The following CNGB3 variants were observed in gnomAD, a reference collection of about 807,000 sequenced individuals.
The protein encoded by CNGB3 is cyclic nucleotide gated channel subunit beta 3.
A neutral mutation model predicts 92.8 loss-of-function variants in CNGB3; 86 were observed. That is an observed-to-expected ratio of 0.93 (90% CI 0.78 to 1.11). The LOEUF is 1.11. Ranked by LOEUF, CNGB3 falls within the 50% of genes least tolerant of loss-of-function variation. The probability of loss-of-function intolerance (pLI) is 0.00; values close to 1 mark genes in which losing one functional copy is unlikely to be tolerated. For missense variants in CNGB3, 1,026 were observed against 956.8 expected (o/e 1.07, Z -0.95); for synonymous variants, 333 against 332.7 (o/e 1.00, Z -0.01).
chr8:86,598,055 C>A (rs1321165294), intron 15 of CNGB3, among the ~76,000 whole-genome samples: 4 of 152,076 alleles, frequency 2.6e-5, no homozygotes, highest in African/African-American at 9.7e-5. Context: ...CAGGTGCAAC[C>A]TGAAGTAGAG....
chr8:86,658,523 G>C (rs1255856708), intron 6 of CNGB3: 1 of 369,296 alleles, frequency 2.7e-6, no homozygotes, highest in Non-Finnish European at 5.2e-6. Flanking sequence ...CTATGAGCTG[G>C]GTCTGCAGCA....
At chr8:86,703,481 CT>C (rs1272124722) in intron 3 of CNGB3, among the ~76,000 whole-genome samples, 1 of 152,066 alleles carries the variant, frequency 6.6e-6, no homozygotes, top group Non-Finnish European at 1.5e-5. Context: ...TTCCTTTGAT[CT>C]TTTTTCAGCT....
chr8:86,646,184 C>T (rs1454009470), intron 8 of CNGB3, among the ~76,000 whole-genome samples: 1 of 151,034 alleles, frequency 6.6e-6, no homozygotes, highest in African/African-American at 2.4e-5. Flanking sequence ...CTGAAATTTC[C>T]ATGTGAGACT....
chr8:86,743,225 C>T (rs935765982), intron 1 of CNGB3, among the ~76,000 whole-genome samples: 1 of 152,138 alleles, frequency 6.6e-6, no homozygotes, highest in Non-Finnish European at 1.5e-5. Flanking sequence ...GAAATGGTTT[C>T]ATTTTGGATG....
At chr8:86,596,229 A>T (rs550469584) in intron 15 of CNGB3, among the ~76,000 whole-genome samples, 34 of 152,326 alleles carry the variant, frequency 2.2e-4, no homozygotes, top group Admixed American at 2.2e-3. Flanking sequence ...GGCAATGGGG[A>T]TAATAAAGTA....
chr8:86,600,605 T>C (rs1822274140), intron 15 of CNGB3, among the ~76,000 whole-genome samples: 1 of 144,690 alleles, frequency 6.9e-6, no homozygotes, highest in African/African-American at 2.7e-5. Flanking sequence ...TCTAGTTCCT[T>C]TTTTTTTTCT....
At chr8:86,615,184 T>C (rs57705284) in intron 13 of CNGB3, among the ~76,000 whole-genome samples, 1 of 152,050 alleles carries the variant, frequency 6.6e-6, no homozygotes, top group African/African-American at 2.4e-5. Flanking sequence ...ACCAATCCCC[T>C]GTGGATACCA....
At chr8:86,670,895 T>A in intron 4 of CNGB3, 49 bp downstream of exon 4, 2 of 1,599,606 alleles carry the variant, frequency 1.3e-6, no homozygotes, top group Non-Finnish European at 1.7e-6. Context: ...AAAACACAGG[T>A]CCCCTCAGCA....
At chr8:86,723,914 T>C (rs1472787468) in intron 3 of CNGB3, among the ~76,000 whole-genome samples, 1 of 152,118 alleles carries the variant, frequency 6.6e-6, no homozygotes, top group African/African-American at 2.4e-5. Flanking sequence ...TTATCCTAAG[T>C]GAACTAACAC....
intron 6 of CNGB3, among the ~76,000 whole-genome samples, chr8:86,663,998 C>T (rs1010247509): frequency 6.6e-6 from 1 of 152,168 alleles, no homozygotes; most frequent in African/African-American, 2.4e-5. Context: ...TTTTCTCCCC[C>T]CTTGTGAGTC....
rs763151392 is a variant in CNGB3, at chr8:86,647,800, C to G, written c.990+1G>C. On this transcript the variant is annotated splice_donor_variant, in intron 8 of 17. Coordinates refer to ENST00000320005, the MANE Select transcript of CNGB3 (RefSeq NM_019098.5). LOFTEE classifies it high-confidence loss of function. ...AAGACAATTAAATATAGTTATCTTA[C>G]CTTTAACATCCTATTTGCTCTAAAC... 2 of 1,425,544 alleles carry G rather than the reference C, an allele frequency of 1.4e-6. No homozygotes were observed. Among genetic ancestry groups the G allele is most frequent in the Non-Finnish European group, 2.0e-6 (2 of 1,009,572 alleles). 88.3% of individuals were successfully genotyped at this position (1,425,544 alleles called of 1,614,324 possible).
At chr8:86,672,500 C>T (rs1057391630) in intron 3 of CNGB3, among the ~76,000 whole-genome samples, 3 of 152,160 alleles carry the variant, frequency 2.0e-5, no homozygotes, top group Non-Finnish European at 4.4e-5. Context: ...ACAGATTTCC[C>T]TCAGAGCTCT....
chr8:86,630,062 G>A (rs1274445204), intron 11 of CNGB3, among the ~76,000 whole-genome samples: 2 of 152,094 alleles, frequency 1.3e-5, no homozygotes, highest in African/African-American at 2.4e-5. Flanking sequence ...TAATTGTGAT[G>A]CCCTCCTCAG....
At chr8:86,601,022 T>C (rs1307569835) in intron 15 of CNGB3, among the ~76,000 whole-genome samples, 1 of 151,970 alleles carries the variant, frequency 6.6e-6, no homozygotes, top group Non-Finnish European at 1.5e-5. Context: ...AATAAATGCA[T>C]GAATGAAATG....
At chr8:86,653,477 T>A (rs1563741793) in intron 7 of CNGB3, among the ~76,000 whole-genome samples, 1 of 152,066 alleles carries the variant, frequency 6.6e-6, no homozygotes, top group Non-Finnish European at 1.5e-5. Context: ...TCACTCCAAT[T>A]GGGTAAACCT....
At chr8:86,715,955 C>T (rs909802285) in intron 3 of CNGB3, among the ~76,000 whole-genome samples, 1 of 150,972 alleles carries the variant, frequency 6.6e-6, no homozygotes, top group Non-Finnish European at 1.5e-5. Flanking sequence ...TGCACATGTA[C>T]CCTAAAACTT....
At chr8:86,706,864 G>A (rs1280086334) in intron 3 of CNGB3, among the ~76,000 whole-genome samples, 2 of 152,072 alleles carry the variant, frequency 1.3e-5, no homozygotes, top group African/African-American at 4.8e-5. Context: ...AAAGCTTGAG[G>A]GTTCAATTTT....
At chr8:86,590,735 G>C (rs1822012102) in intron 15 of CNGB3, among the ~76,000 whole-genome samples, 1 of 144,776 alleles carries the variant, frequency 6.9e-6, no homozygotes, top group East Asian at 2.0e-4. Flanking sequence ...GCTTCCCTTT[G>C]AGGGTAACCC....
chr8:86,599,365 A>C (rs1822242740), intron 15 of CNGB3, among the ~76,000 whole-genome samples: 1 of 152,148 alleles, frequency 6.6e-6, no homozygotes, highest in Non-Finnish European at 1.5e-5. Context: ...TAACTGCACA[A>C]ATTGTTGTAG....
Sources: allele counts gnomAD v4.1 joint callset (sites outside exome capture counted in the v4.1 genomes callset), GRCh38; gene constraint gnomAD v4.1.1; transcripts MANE v1.5; gene names NCBI Gene and HGNC (gene_info 2026-07-23, HGNC 2026-07-21).